The following NDUFAF6 variants were observed in gnomAD, a reference collection of about 807,000 sequenced individuals.
NDUFAF6 encodes NADH:ubiquinone oxidoreductase complex assembly factor 6.
NDUFAF6 carries 45 observed loss-of-function variants against 40.8 expected under a neutral mutation model. The observed-to-expected ratio is 1.10, with a 90% CI of 0.87 to 1.42. The LOEUF (loss-of-function observed/expected upper bound fraction) is 1.42, where lower values mean the gene tolerates loss of function less well. Among genes scored for constraint, NDUFAF6 ranks in the 40% most tolerant of loss-of-function variants. The pLI, the probability that NDUFAF6 is intolerant of heterozygous loss-of-function variation, is 0.00. For synonymous variants in NDUFAF6, 185 were observed against 155.9 expected, an observed-to-expected ratio of 1.19 and a Z score of -1.39; for missense variants, 435 against 418.5, an observed-to-expected ratio of 1.04 and a Z score of -0.34.
chr8:94,912,068 A>G (rs1818820145), intron 1 of NDUFAF6, among the ~76,000 whole-genome samples: 1 of 152,246 alleles, frequency 6.6e-6, no homozygotes, highest in Non-Finnish European at 1.5e-5. Context: ...TTACCACCAG[A>G]TATGATTAAA....
At chr8:95,112,642 C>T (rs1240849446) in intron 4 of NDUFAF6, among the ~76,000 whole-genome samples, 4 of 152,186 alleles carry the variant, frequency 2.6e-5, no homozygotes, top group Non-Finnish European at 5.9e-5. Context: ...TCTGTTACAC[C>T]ATAAACCATT....
rs183638954 is a variant in NDUFAF6 at position 95,086,369 on chromosome 8, C to T, written n.213+10617C>T. On this transcript the variant is annotated intron_variant and non_coding_transcript_variant, in intron 2 of 5. Coordinates refer to the NDUFAF6 transcript ENST00000523184. Reference sequence around the variant, plus strand: ...TGATTACTGATTTGTACCAATGGCACCCCAGATGCACTTTGCTATTTTCAT... The same window carrying T: ...TGATTACTGATTTGTACCAATGGCATCCCAGATGCACTTTGCTATTTTCAT... Among the ~76,000 whole-genome samples, 4 of 152,310 alleles carry T rather than the reference C, an allele frequency of 2.6e-5. No homozygotes were observed. In the East Asian group the frequency reaches 5.8e-4, roughly 22 times the overall value.
At chr8:95,102,516 T>C (rs910261335) in intron 2 of NDUFAF6, among the ~76,000 whole-genome samples, 3 of 152,236 alleles carry the variant, frequency 2.0e-5, no homozygotes, top group Non-Finnish European at 4.4e-5. Flanking sequence ...CACATGGCTG[T>C]GTCTCATTGA....
At chr8:94,935,130 T>TAGAC (rs1188187035) in intron 1 of NDUFAF6, among the ~76,000 whole-genome samples, 2 of 140,392 alleles carry the variant, frequency 1.4e-5, no homozygotes, top group African/African-American at 5.4e-5. Flanking sequence ...TAGATAGATA[T>TAGAC]AGATAGATAG....
intron 1 of NDUFAF6, among the ~76,000 whole-genome samples, chr8:94,922,342 T>G (rs1234146283): frequency 2.6e-5 from 4 of 151,520 alleles, no homozygotes; most frequent in Non-Finnish European, 5.9e-5. Context: ...TGCAGGAAAT[T>G]GTGCACACTG....
chr8:94,910,259 T>G (rs748253494), intron 1 of NDUFAF6, among the ~76,000 whole-genome samples: 6 of 152,148 alleles, frequency 3.9e-5, no homozygotes, highest in Admixed American at 6.5e-5. Flanking sequence ...TTCAAACAAT[T>G]CTCATACGTC....
intron 1 of NDUFAF6, among the ~76,000 whole-genome samples, chr8:94,922,371 G>C (rs551595585): frequency 6.6e-6 from 1 of 152,092 alleles, no homozygotes; most frequent in East Asian, 1.9e-4. Flanking sequence ...GAACCACTGG[G>C]TTAGGGCCTA....
chr8:94,903,418 T>A (rs1818157543), intron 1 of NDUFAF6, among the ~76,000 whole-genome samples: 1 of 152,160 alleles, frequency 6.6e-6, no homozygotes, highest in Non-Finnish European at 1.5e-5. Context: ...AGTACAGCCA[T>A]GTGTATCAAC....
At chr8:95,061,230 C>A (rs1018174860), downstream of NDUFAF6, among the ~76,000 whole-genome samples, 2 of 152,218 alleles carry the variant, frequency 1.3e-5, no homozygotes, top group African/African-American at 4.8e-5. Flanking sequence ...ATCCCCTGAT[C>A]TACTGAAACA....
At chr8:95,113,975 GA>G (rs1810069369) in intron 4 of NDUFAF6, among the ~76,000 whole-genome samples, 1 of 142,824 alleles carries the variant, frequency 7.0e-6, no homozygotes, top group Non-Finnish European at 1.5e-5. Context: ...ATGGACACAG[GA>G]AGGGGAACAT....
chr8:95,062,100 T>C (rs1832585463), downstream of NDUFAF6, among the ~76,000 whole-genome samples: 3 of 149,710 alleles, frequency 2.0e-5, no homozygotes, highest in African/African-American at 7.4e-5. Flanking sequence ...GAGGTTGCAG[T>C]GAGCCAAGCA....
At chr8:95,088,905 T>G (rs1809153890) in intron 2 of NDUFAF6, among the ~76,000 whole-genome samples, 1 of 141,946 alleles carries the variant, frequency 7.0e-6, no homozygotes, top group Non-Finnish European at 1.5e-5. Context: ...GGATTACAGG[T>G]GCACCACTAC....
At chr8:95,110,426 A>G (rs1322076627) in intron 4 of NDUFAF6, among the ~76,000 whole-genome samples, 1 of 152,228 alleles carries the variant, frequency 6.6e-6, no homozygotes, top group Non-Finnish European at 1.5e-5. Flanking sequence ...TCAGTGATGT[A>G]CAGTGTTGGA....
intron 1 of NDUFAF6, among the ~76,000 whole-genome samples, chr8:94,933,193 G>C (rs1820598904): frequency 6.6e-6 from 1 of 152,168 alleles, no homozygotes; most frequent in Non-Finnish European, 1.5e-5. Context: ...TCCAGCCTGG[G>C]CAACAGTGAG....
intron 3 of NDUFAF6, among the ~76,000 whole-genome samples, chr8:95,037,032 A>G (rs1228248798): frequency 1.6e-4 from 24 of 152,350 alleles, no homozygotes; most frequent in Non-Finnish European, 8.8e-5. Context: ...GGGAACAATG[A>G]CAATGTGTTA....
At chr8:94,947,900 T>G (rs1260768884) in intron 2 of NDUFAF6, among the ~76,000 whole-genome samples, 1 of 152,354 alleles carries the variant, frequency 6.6e-6, no homozygotes, top group African/African-American at 2.4e-5. Flanking sequence ...TTACACTGAT[T>G]GCGACTTAAA....
chr8:95,054,650 GTCT>G (rs976600125), intron 8 of NDUFAF6, among the ~76,000 whole-genome samples: 6 of 152,046 alleles, frequency 3.9e-5, no homozygotes, highest in African/African-American at 1.4e-4. Context: ...GGCCAGGCTG[GTCT>G]CGAATGCCTG....
At chr8:94,979,781 C>T (rs945881479) in intron 1 of NDUFAF6, among the ~76,000 whole-genome samples, 4 of 152,070 alleles carry the variant, frequency 2.6e-5, no homozygotes, top group South Asian at 2.1e-4. Flanking sequence ...TGACAAAAAA[C>T]GAACTTTATC....
At chr8:95,107,338 T>G (rs1333774720), downstream of NDUFAF6, among the ~76,000 whole-genome samples, 2 of 152,114 alleles carry the variant, frequency 1.3e-5, no homozygotes, top group African/African-American at 4.8e-5. Context: ...AGGACATGGA[T>G]GAAGCTGAAA....
Sources: gnomAD v4.1 joint callset for allele counts (sites outside exome capture counted in the v4.1 genomes callset) on GRCh38, gnomAD v4.1.1 for gene constraint, MANE v1.5 for transcripts, NCBI Gene and HGNC (gene_info 2026-07-23, HGNC 2026-07-21) for gene names.